The following GRIN1 variants were observed in gnomAD, a reference collection of about 807,000 sequenced individuals.
GRIN1 encodes glutamate receptor ionotropic, NMDA 1.
GRIN1 carries 38 observed loss-of-function variants against 103.0 expected under a neutral mutation model. The ratio of observed to expected loss-of-function variants is 0.37; its 90% confidence interval spans 0.28 to 0.48. The LOEUF (loss-of-function observed/expected upper bound fraction) is 0.48. Ranked by LOEUF, GRIN1 falls within the 20% of genes least tolerant of loss-of-function variation. The probability of loss-of-function intolerance (pLI) is 0.98; values close to 1 mark genes in which losing one functional copy is unlikely to be tolerated. For missense variants in GRIN1, 577 were observed against 1,288.9 expected (o/e 0.45, Z 8.46); for synonymous variants, 544 against 532.7 (o/e 1.02, Z -0.29).
At chr9:137,148,364 A>G (rs1011349978) in intron 3 of GRIN1, 1 of 618,512 alleles carries the variant, frequency 1.6e-6, no homozygotes, top group African/African-American at 1.9e-5. Flanking sequence ...GAGGGCAGGC[A>G]GGAGAGGGCA....
chr9:137,148,556 G>A (rs1259888452), intron 3 of GRIN1, among the ~76,000 whole-genome samples: 5 of 152,246 alleles, frequency 3.3e-5, no homozygotes, highest in Non-Finnish European at 2.9e-5. Flanking sequence ...CGCCGGGGCC[G>A]GGCTGCTCCT....
chr9:137,151,612 C>A (rs1321796657), intron 4 of GRIN1, among the ~76,000 whole-genome samples: 1 of 151,968 alleles, frequency 6.6e-6, no homozygotes, highest in Non-Finnish European at 1.5e-5. Context: ...GAAAAAGCCC[C>A]GCCCAGAAAA....
chr9:137,153,586 C>G (rs1833036874), intron 4 of GRIN1, among the ~76,000 whole-genome samples: 1 of 152,178 alleles, frequency 6.6e-6, no homozygotes, highest in Non-Finnish European at 1.5e-5. Flanking sequence ...TCTACACATA[C>G]AGATACAGGC....
At chr9:137,159,440 G>A (rs779501930) in intron 8 of GRIN1, among the ~76,000 whole-genome samples, 1 of 152,170 alleles carries the variant, frequency 6.6e-6, no homozygotes, top group Non-Finnish European at 1.5e-5. Flanking sequence ...CAGCCCCTGT[G>A]ACCTCTCACC....
At chr9:137,147,598 C>G (rs993474398) in intron 3 of GRIN1, among the ~76,000 whole-genome samples, 1 of 152,222 alleles carries the variant, frequency 6.6e-6, no homozygotes, top group Non-Finnish European at 1.5e-5. Context: ...CACCCACAGG[C>G]GCATGCCACC....
chr9:137,160,580 CCACCA>C (rs1833478353), intron 8 of GRIN1, among the ~76,000 whole-genome samples: 1 of 152,194 alleles, frequency 6.6e-6, no homozygotes, highest in East Asian at 1.9e-4. Context: ...CAGGTGCCCA[CCACCA>C]CGCCCGGCTA....
At chr9:137,161,641 G>A (rs371428575) in intron 10 of GRIN1, among the ~76,000 whole-genome samples, 27 of 149,836 alleles carry the variant, frequency 1.8e-4, no homozygotes, top group South Asian at 6.4e-4. Context: ...GCCTGACGTG[G>A]GGGTCGGAGT....
At chr9:137,145,947 C>T (rs202055331) in intron 3 of GRIN1, 45 bp downstream of exon 3, 102 of 1,401,588 alleles carry the variant, frequency 7.3e-5, no homozygotes, top group Non-Finnish European at 9.3e-5. Context: ...AGCCGAGGTG[C>T]AGGACGGGCC....
Position 137,146,467 on chromosome 9 carries a change from C to T in GRIN1, c.570+565C>T, listed in dbSNP as rs1456800490. 2.6e-5 allele frequency among the ~76,000 whole-genome samples: 4 copies of T among 152,190 alleles called. No individual in the cohort carries two copies. The highest frequency in any genetic ancestry group is 5.9e-5 in the Non-Finnish European group (4 of 68,020). On this transcript the variant is annotated intron_variant, in intron 3 of 19. Coordinates refer to ENST00000371561, the MANE Select transcript of GRIN1 (RefSeq NM_007327.4). This position sits in a 1 kb window ranked among gnomAD's most constrained non-coding sequence, Gnocchi z 6.7. ...GGACCGCCCCTGTGGGCTCCACTCC[C>T]CTCCTTGCCCCCACCACAGGGCTCC...
At chr9:137,144,699 G>A (rs1832397509) in intron 2 of GRIN1, among the ~76,000 whole-genome samples, 1 of 148,240 alleles carries the variant, frequency 6.7e-6, no homozygotes. Context: ...AGACAGGAGG[G>A]GGTCCCAGGG....
Position 137,162,103 on chromosome 9 carries a change from G to T in GRIN1, c.1632+15G>T, listed in dbSNP as rs1416335589. On this transcript the variant is annotated intron_variant, in intron 11 of 19. Coordinates refer to ENST00000371561, the MANE Select transcript of GRIN1 (RefSeq NM_007327.4). ...TGGTCAAGAAGGTGGGCAGGGGCCGGGTGGCGGGGTGGCGGCGGGGGGAGT... is the reference window on the plus strand; with the variant it reads ...TGGTCAAGAAGGTGGGCAGGGGCCGTGTGGCGGGGTGGCGGCGGGGGGAGT... The T allele has an allele frequency of 2.0e-6, 3 of 1,519,116 alleles. No homozygotes were observed. Among genetic ancestry groups the T allele is most frequent in the Middle Eastern group, 2.3e-4 (1 of 4,370 alleles). The allele number at this position is 1,519,116 out of a possible 1,614,324, so 94.1% of individuals were successfully genotyped here. A position where few individuals can be genotyped will look rare whatever the true frequency, so the allele number is the denominator to read the frequency against.
intron 4 of GRIN1, among the ~76,000 whole-genome samples, chr9:137,153,346 G>A (rs976469216): frequency 2.7e-5 from 4 of 150,722 alleles, no homozygotes; most frequent in East Asian, 2.0e-4. Context: ...GCAGAATTGT[G>A]TATAGGTCAT....
chr9:137,164,796 T>C (rs1354537557), intron 18 of GRIN1: 3 of 287,080 alleles, frequency 1.0e-5, no homozygotes, highest in Non-Finnish European at 2.0e-5. Context: ...AATCTTGGTG[T>C]GTGCCCCTTG....
At chr9:137,165,605 C>T (rs1353151148) in intron 19 of GRIN1, among the ~76,000 whole-genome samples, 2 of 152,224 alleles carry the variant, frequency 1.3e-5, no homozygotes, top group East Asian at 1.9e-4. Context: ...TCAGCCACAC[C>T]ACCTCTCGGG....
intron 2 of GRIN1, among the ~76,000 whole-genome samples, chr9:137,145,370 AC>A (rs1200932617): frequency 3.9e-4 from 44 of 113,126 alleles, no homozygotes; most frequent in African/African-American, 1.3e-3. Context: ...GGTGGTAGGG[AC>A]AGGGGTGGGA....
rs1405877735 is a variant in GRIN1 at position 137,139,403 on chromosome 9, G to T, written c.-84G>T. On this transcript the variant is annotated 5_prime_UTR_variant, in exon 1 of 20. Coordinates refer to ENST00000371561, the MANE Select transcript of GRIN1 (RefSeq NM_007327.4). This position sits in a 1 kb window ranked among gnomAD's most constrained non-coding sequence, Gnocchi z 7.7. The stretch of plus-strand genomic sequence containing the variant: ...CCGCAGCCCGCGGGGCCGGGCGAGC[G>T]CAGGACGGCCCGGAAGCCCCGCGGG... The T allele has an allele frequency of 3.1e-6, 3 of 971,484 alleles. No homozygotes were observed. The highest frequency in any genetic ancestry group is 9.0e-5 in the Admixed American group (2 of 22,240). 60.2% of individuals were successfully genotyped at this position (971,484 alleles called of 1,614,324 possible).
intron 2 of GRIN1, among the ~76,000 whole-genome samples, chr9:137,143,626 C>T (rs1832295851): frequency 6.6e-6 from 1 of 152,350 alleles, no homozygotes; most frequent in South Asian, 2.1e-4. Context: ...ACACTACAAC[C>T]AACCTGTGCC....
chr9:137,168,161 A>G lies in GRIN1; in HGVS notation c.*634A>G. 6.4e-6 allele frequency: 3 copies of G among 469,446 alleles called. No homozygotes were observed. The South Asian group carries it at 7.1e-5, about 11-fold the overall frequency. The allele number at this position is 469,446 out of a possible 1,614,324, so 29.1% of individuals were successfully genotyped here. On this transcript the variant is annotated 3_prime_UTR_variant, in exon 20 of 20. Transcript: ENST00000371561. ...CCAGGCGGAGGGGCTTGGAGCAGAG[A>G]CGGCAGCCCCATCCTTCCCGCAGCA...
chr9:137,147,281 G>A (rs1832594617), intron 3 of GRIN1, among the ~76,000 whole-genome samples: 1 of 151,756 alleles, frequency 6.6e-6, no homozygotes, highest in Middle Eastern at 3.4e-3. Flanking sequence ...ACTCAGGTGC[G>A]CTCCTCACAC....
Sources: gnomAD v4.1 joint callset for allele counts (sites outside exome capture counted in the v4.1 genomes callset) on GRCh38, gnomAD v4.1.1 for gene constraint, Gnocchi (gnomAD v3.1) non-coding constraint, MANE v1.5 for transcripts, NCBI Gene and HGNC (gene_info 2026-07-23, HGNC 2026-07-21) for gene names.